Variants in FAM81A observed in about 807,000 individuals in gnomAD.
The protein encoded by FAM81A is family with sequence similarity 81 member A, also known as protein FAM81A.
Under a neutral mutation model 46.7 loss-of-function variants are expected in FAM81A, and 19 were observed. That is an observed-to-expected ratio of 0.41 (90% CI 0.28 to 0.60). FAM81A has a LOEUF of 0.60. FAM81A is among the 20% of genes least tolerant of loss of function. The pLI, the probability that FAM81A is intolerant of heterozygous loss-of-function variation, is 0.34. For synonymous variants in FAM81A, 183 were observed against 152.9 expected, an observed-to-expected ratio of 1.20 and a Z score of -1.45; for missense variants, 377 against 453.5, an observed-to-expected ratio of 0.83 and a Z score of 1.53.
intron 2 of FAM81A, among the ~76,000 whole-genome samples, chr15:59,418,452 C>T (rs2081156477): frequency 6.6e-6 from 1 of 152,214 alleles, no homozygotes; most frequent in Admixed American, 6.5e-5. Context: ...GGTTGGTTCT[C>T]TTGAATCCAT....
At chr15:59,466,425 G>C (rs1345800125) in intron 3 of FAM81A, among the ~76,000 whole-genome samples, 1 of 151,394 alleles carries the variant, frequency 6.6e-6, no homozygotes, top group Admixed American at 6.6e-5. Context: ...GTATCTCTTT[G>C]CGGTTTTGAT....
intron 8 of FAM81A, among the ~76,000 whole-genome samples, chr15:59,519,125 ATT>A: frequency 6.7e-6 from 1 of 150,306 alleles, no homozygotes; most frequent in South Asian, 2.1e-4. Context: ...GCATCTCCCC[ATT>A]TCCTCCTCTT....
intron 2 of FAM81A, among the ~76,000 whole-genome samples, chr15:59,411,943 T>G (rs1161736009): frequency 6.7e-6 from 1 of 149,980 alleles, no homozygotes; most frequent in Non-Finnish European, 1.5e-5. Context: ...GTGAGTGCCC[T>G]GGGGTGGAAC....
chr15:59,469,750 C>G (rs2081661169), intron 3 of FAM81A, among the ~76,000 whole-genome samples: 1 of 152,156 alleles, frequency 6.6e-6, no homozygotes, highest in South Asian at 2.1e-4. Flanking sequence ...GAATTTGATC[C>G]TGTCACTATG....
intron 3 of FAM81A, among the ~76,000 whole-genome samples, chr15:59,463,544 T>A (rs1466790683): frequency 1.3e-5 from 2 of 152,132 alleles, no homozygotes; most frequent in Admixed American, 6.6e-5. Flanking sequence ...TTGCTTTGCA[T>A]GTATAGATTT....
intron 8 of FAM81A, among the ~76,000 whole-genome samples, chr15:59,520,689 C>T (rs1298716336): frequency 1.3e-5 from 2 of 151,800 alleles, no homozygotes; most frequent in Non-Finnish European, 2.9e-5. Flanking sequence ...CTCAGCCTCC[C>T]GAGTAGCTGG....
chr15:59,448,387 A>T (rs770974502), intron 1 of FAM81A, among the ~76,000 whole-genome samples: 1 of 152,104 alleles, frequency 6.6e-6, no homozygotes, highest in Non-Finnish European at 1.5e-5. Context: ...AAAAAAAAGA[A>T]ATTGCAGTGT....
chr15:59,462,443 A>G (rs1007141943), intron 3 of FAM81A, among the ~76,000 whole-genome samples: 1 of 152,106 alleles, frequency 6.6e-6, no homozygotes, highest in Non-Finnish European at 1.5e-5. Flanking sequence ...GATCATTTGT[A>G]TGTCTTTGTT....
At chr15:59,479,704 G>A (rs116633236) in intron 3 of FAM81A, among the ~76,000 whole-genome samples, 1,804 of 152,022 alleles carry the variant, frequency 0.012, 28 homozygotes, top group African/African-American at 0.038. Flanking sequence ...GGCGTGGCAC[G>A]TTTAAGAAGC....
intron 2 of FAM81A, among the ~76,000 whole-genome samples, chr15:59,416,181 A>T (rs1256781619): frequency 6.6e-6 from 1 of 152,214 alleles, no homozygotes; most frequent in East Asian, 1.9e-4. Context: ...GATCCCAGAA[A>T]GCACAAGTGA....
At chr15:59,504,928 A>G (rs2082133123) in intron 4 of FAM81A, among the ~76,000 whole-genome samples, 2 of 152,092 alleles carry the variant, frequency 1.3e-5, no homozygotes, top group African/African-American at 4.8e-5. Flanking sequence ...CCCATGCTTT[A>G]TGTATTTTTA....
chr15:59,517,240 T>C (rs919722998), intron 8 of FAM81A, among the ~76,000 whole-genome samples: 3 of 152,198 alleles, frequency 2.0e-5, no homozygotes, highest in Non-Finnish European at 4.4e-5. Context: ...ATGATTTTCC[T>C]CTACTGGCAG....
chr15:59,462,781 C>G (rs1292442387), intron 3 of FAM81A, among the ~76,000 whole-genome samples: 3 of 152,122 alleles, frequency 2.0e-5, no homozygotes, highest in African/African-American at 7.2e-5. Context: ...ACTTTTGTGT[C>G]TGGCTTTTTT....
chr15:59,489,477 C>T (rs2081959881), intron 3 of FAM81A, among the ~76,000 whole-genome samples: 1 of 152,066 alleles, frequency 6.6e-6, no homozygotes, highest in African/African-American at 2.4e-5. Flanking sequence ...AATGTCTGTA[C>T]TACCTGAAGC....
chr15:59,429,161 A>C (rs1052442552), intron 2 of FAM81A, among the ~76,000 whole-genome samples: 1 of 152,200 alleles, frequency 6.6e-6, no homozygotes, highest in Admixed American at 6.5e-5. Context: ...ATATTGGGAA[A>C]ACTGATGTTA....
At chr15:59,491,380 C>T (rs1345521799) in intron 3 of FAM81A, among the ~76,000 whole-genome samples, 1 of 151,686 alleles carries the variant, frequency 6.6e-6, no homozygotes, top group Non-Finnish European at 1.5e-5. Flanking sequence ...CAATTGAACT[C>T]ACGGAGATAG....
At chr15:59,413,582 A>C (rs1275094781) in intron 2 of FAM81A, among the ~76,000 whole-genome samples, 1 of 152,150 alleles carries the variant, frequency 6.6e-6, no homozygotes, top group Non-Finnish European at 1.5e-5. Flanking sequence ...ATATGCAAAC[A>C]GAGTTCTAAG....
chr15:59,481,184 G>A (rs2081845774), intron 3 of FAM81A, among the ~76,000 whole-genome samples: 1 of 152,038 alleles, frequency 6.6e-6, no homozygotes, highest in East Asian at 1.9e-4. Context: ...TGTGTGTAGA[G>A]ACAGGGTTTC....
intron 4 of FAM81A, among the ~76,000 whole-genome samples, chr15:59,499,216 T>G (rs1446598487): frequency 6.6e-6 from 1 of 152,224 alleles, no homozygotes; most frequent in Non-Finnish European, 1.5e-5. Context: ...GGTCATGATA[T>G]ATAATCCTTT....
Sources: allele counts gnomAD v4.1 joint callset (sites outside exome capture counted in the v4.1 genomes callset), GRCh38; gene constraint gnomAD v4.1.1; transcripts MANE v1.5; gene names NCBI Gene and HGNC (gene_info 2026-07-23, HGNC 2026-07-21).